ABLIM1: variants seen among roughly 807,000 people sequenced by gnomAD.
ABLIM1 encodes the protein actin binding LIM protein 1.
Under a neutral mutation model 107.0 loss-of-function variants are expected in ABLIM1, and 40 were observed. That is an observed-to-expected ratio of 0.37 (90% CI 0.29 to 0.49). The LOEUF is 0.49. ABLIM1 is among the 20% of genes least tolerant of loss of function. The pLI is 0.97. For missense variants in ABLIM1, 857 were observed against 1,008.5 expected, an observed-to-expected ratio of 0.85 and a Z score of 2.04; for synonymous variants, 357 against 357.3, an observed-to-expected ratio of 1.00 and a Z score of 0.01.
chr10:114,662,026 T>C (rs140045766), upstream of ABLIM1, among the ~76,000 whole-genome samples: 3 of 152,318 alleles, frequency 2.0e-5, no homozygotes, highest in African/African-American at 4.8e-5. Flanking sequence ...TTATTCTATA[T>C]AGTGATTTAA....
chr10:114,656,416 C>A lies in ABLIM1; in HGVS notation c.244+1541G>T, dbSNP rs538101876. 4.6e-5 allele frequency among the ~76,000 whole-genome samples: 7 copies of A among 151,752 alleles called. No homozygotes were observed. In the East Asian group the frequency reaches 9.8e-4, roughly 21 times the overall value. ...TCTAGAAGTCCTTCAGAAGGTTAGA[C>A]ATAGTTATTATATGACCCAGAAATT... On this transcript the variant is annotated intron_variant, in intron 1 of 22. Transcript: ENST00000533213.
intron 6 of ABLIM1, among the ~76,000 whole-genome samples, chr10:114,542,285 C>T (rs2066762060): frequency 6.6e-6 from 1 of 151,666 alleles, no homozygotes; most frequent in Non-Finnish European, 1.5e-5. Flanking sequence ...ATGGCATGCA[C>T]CTGTAGTCCC....
rs56851196 is a variant in ABLIM1 at position 114,473,208 on chromosome 10, G to A, written c.1120-76C>T. ...GGAAACTGTAGTTGGCGCATTTCCT[G>A]TTGTTTAAAAAGTGAAGGCCTTAAA... On this transcript the variant is annotated intron_variant, in intron 9 of 22. Coordinates refer to ENST00000533213, the MANE Select transcript of ABLIM1 (RefSeq NM_002313.7). 3.0e-3 allele frequency: 4,333 copies of A among 1,443,448 alleles called. 107 individuals carry two copies. In the African/African-American group the frequency reaches 0.054, roughly 18 times the overall value. 89.4% of individuals were successfully genotyped at this position (1,443,448 alleles called of 1,614,324 possible). A position where few individuals can be genotyped will look rare whatever the true frequency, so the allele number is the denominator to read the frequency against.
intron 6 of ABLIM1, among the ~76,000 whole-genome samples, chr10:114,532,435 C>T (rs566478448): frequency 3.3e-5 from 5 of 152,304 alleles, no homozygotes; most frequent in South Asian, 2.1e-4. Flanking sequence ...CTCCCCAAGG[C>T]GGGAAGCCAC....
intron 1 of ABLIM1, among the ~76,000 whole-genome samples, chr10:114,698,270 A>C (rs1285312740): frequency 6.6e-6 from 1 of 152,048 alleles, no homozygotes; most frequent in African/African-American, 2.4e-5. Flanking sequence ...TTAAAAGAGC[A>C]ATCACAGAAA....
chr10:114,457,572 A>G (rs80074285), intron 12 of ABLIM1, among the ~76,000 whole-genome samples: 4,220 of 152,240 alleles, frequency 0.028, 205 homozygotes, highest in African/African-American at 0.098. Flanking sequence ...CACCTGGCCA[A>G]TACCCTATTT....
chr10:114,545,192 G>A (rs912531166), intron 5 of ABLIM1, 94 bp from the exon 6 acceptor site: 2 of 1,144,282 alleles, frequency 1.7e-6, no homozygotes, highest in African/African-American at 1.5e-5. Context: ...TCCACAGAAG[G>A]GCAGGACATA....
In ABLIM1 at chr10:114,547,749, T is replaced by C. The variant is rs1021175698; in HGVS notation, c.701A>G (p.Lys234Arg). Residue 234 changes from lysine (K) to arginine (R), a missense_variant, in exon 5 of 23, where the codon AAG (lysine) becomes AGG (arginine). Physicochemically the swap from Lys to Arg is conservative, Grantham distance 26. Coordinates refer to ENST00000533213, the MANE Select transcript of ABLIM1 (RefSeq NM_002313.7). ...SNCAGCGRDI[K>R]NGQALLALDK... ...CAGCGCCAGCAGCGCCTGCCCATTC[T>C]TGATATCTCTTCCGCAGCCGGCACA... The C allele has an allele frequency of 1.2e-6, 2 of 1,611,252 alleles. No homozygotes were observed. Among genetic ancestry groups the C allele is most frequent in the African/African-American group, 2.7e-5 (2 of 74,944 alleles).
chr10:114,468,412 C>T (rs541605164), intron 10 of ABLIM1, 196 bp from the exon 11 acceptor site: 193 of 334,900 alleles, frequency 5.8e-4, no homozygotes, highest in African/African-American at 1.1e-3. Context: ...GTAGCTGGGA[C>T]TACAGGCGCC....
intron 1 of ABLIM1, among the ~76,000 whole-genome samples, chr10:114,626,596 A>T (rs896095251): frequency 1.3e-5 from 2 of 151,972 alleles, no homozygotes; most frequent in Non-Finnish European, 2.9e-5. Context: ...ACTCTCTCCC[A>T]TCCACATCCG....
chr10:114,654,442 G>A (rs1015175202), intron 1 of ABLIM1, among the ~76,000 whole-genome samples: 1 of 152,044 alleles, frequency 6.6e-6, no homozygotes, highest in Admixed American at 6.5e-5. Context: ...ACTTTGATAT[G>A]CACGTTCTCA....
chr10:114,643,881 C>A (rs760825192), intron 1 of ABLIM1, among the ~76,000 whole-genome samples: 1 of 151,984 alleles, frequency 6.6e-6, no homozygotes, highest in East Asian at 1.9e-4. Context: ...TAGCCTATAT[C>A]CAGATTCTTA....
intron 6 of ABLIM1, among the ~76,000 whole-genome samples, chr10:114,539,096 G>A (rs1002752995): frequency 2.0e-5 from 3 of 152,208 alleles, no homozygotes; most frequent in East Asian, 1.9e-4. Context: ...AGTGGCTCAC[G>A]CCTATAATCC....
At chr10:114,445,480 C>G in intron 15 of ABLIM1, 77 bp from the exon 16 acceptor site, 4 of 1,291,388 alleles carry the variant, frequency 3.1e-6, no homozygotes, top group Non-Finnish European at 4.5e-6. Context: ...CATCTGTGTT[C>G]AGTTTGTTAG....
chr10:114,655,592 T>C (rs928340418), intron 1 of ABLIM1, among the ~76,000 whole-genome samples: 11 of 152,230 alleles, frequency 7.2e-5, no homozygotes, highest in Non-Finnish European at 1.3e-4. Flanking sequence ...ATTTGTGGAA[T>C]AAAACATTTT....
chr10:114,598,225 G>C (rs1282353949), intron 2 of ABLIM1, among the ~76,000 whole-genome samples: 1 of 128,636 alleles, frequency 7.8e-6, no homozygotes, highest in East Asian at 2.3e-4. Context: ...AGCGAGCCAA[G>C]ATCACTCCAC....
At chr10:114,455,998 T>C (rs920042925) in intron 12 of ABLIM1, among the ~76,000 whole-genome samples, 1 of 151,498 alleles carries the variant, frequency 6.6e-6, no homozygotes, top group African/African-American at 2.4e-5. Context: ...ATTTTTTTAG[T>C]AGAGACGGGG....
intron 2 of ABLIM1, among the ~76,000 whole-genome samples, chr10:114,592,212 A>G (rs1397999187): frequency 2.0e-5 from 3 of 152,216 alleles, no homozygotes; most frequent in Non-Finnish European, 4.4e-5. Flanking sequence ...GATGGTGTCA[A>G]GGATGGCCTT....
chr10:114,488,163 A>G lies in ABLIM1; in HGVS notation c.983-147T>C, dbSNP rs916595328. On this transcript the variant is annotated intron_variant, in intron 7 of 22. Coordinates refer to ENST00000533213, the MANE Select transcript of ABLIM1 (RefSeq NM_002313.7). Reference sequence around the variant, plus strand: ...TTATGTCCAAGTGAATCATAACACAAAAATCAGACATGTCCAAAGCCTAAG... The same window carrying G: ...TTATGTCCAAGTGAATCATAACACAGAAATCAGACATGTCCAAAGCCTAAG... 1.3e-5 allele frequency: 11 copies of G among 853,576 alleles called. No individual in the cohort carries two copies. The Admixed American group carries it at 2.2e-4, about 17-fold the overall frequency. 52.9% of individuals were successfully genotyped at this position (853,576 alleles called of 1,614,324 possible). A position where few individuals can be genotyped will look rare whatever the true frequency, so the allele number is the denominator to read the frequency against.
Sources: allele counts gnomAD v4.1 joint callset (sites outside exome capture counted in the v4.1 genomes callset), GRCh38; gene constraint gnomAD v4.1.1; transcripts MANE v1.5; gene names NCBI Gene and HGNC (gene_info 2026-07-23, HGNC 2026-07-21).